Variants in PRKAR1B observed in about 807,000 individuals in gnomAD.
The protein encoded by PRKAR1B is cAMP-dependent protein kinase type I-beta regulatory subunit.
PRKAR1B carries 22 observed loss-of-function variants against 46.5 expected under a neutral mutation model. The ratio of observed to expected loss-of-function variants is 0.47; its 90% CI spans 0.34 to 0.68. The LOEUF (loss-of-function observed/expected upper bound fraction) is 0.68. PRKAR1B is among the 30% of genes least tolerant of loss of function. PRKAR1B has a pLI of 0.01. For synonymous variants in PRKAR1B, 259 were observed against 217.7 expected (o/e 1.19, Z -1.67); for missense variants, 445 against 535.6 (o/e 0.83, Z 1.67).
At chr7:721,092 G>A (rs373753881) in intron 1 of PRKAR1B, among the ~76,000 whole-genome samples, 15 of 152,100 alleles carry the variant, frequency 9.9e-5, no homozygotes, top group South Asian at 4.1e-4. Flanking sequence ...TCGGTCTATC[G>A]GCATCTATGA....
intron 4 of PRKAR1B, among the ~76,000 whole-genome samples, chr7:632,824 T>C (rs1358625675): frequency 1.3e-5 from 2 of 148,748 alleles, no homozygotes; most frequent in East Asian, 4.1e-4. Context: ...GCAACAGGTC[T>C]GGGACTCTAC....
chr7:641,613 T>C (rs1784394883), intron 4 of PRKAR1B, among the ~76,000 whole-genome samples: 1 of 152,134 alleles, frequency 6.6e-6, no homozygotes, highest in African/African-American at 2.4e-5. Flanking sequence ...GAGCGGGCGG[T>C]GATCAAATTA....
intron 2 of PRKAR1B, among the ~76,000 whole-genome samples, chr7:685,034 C>T (rs1212963034): frequency 6.6e-6 from 1 of 151,646 alleles, no homozygotes; most frequent in Non-Finnish European, 1.5e-5. Flanking sequence ...GTTTGTCCCT[C>T]CTGAAATTTG....
upstream of PRKAR1B, chr7:727,474 G>T: frequency 3.5e-6 from 1 of 286,380 alleles, no homozygotes; most frequent in Non-Finnish European, 5.8e-6. Flanking sequence ...TCCCCCACCC[G>T]CCTGCCCCAA....
rs148077664 is a variant in PRKAR1B at position 623,543 on chromosome 7, G to A, written c.441-16091C>T. On this transcript the variant is annotated intron_variant, in intron 4 of 10. Transcript: ENST00000537384. ...TCCTCACACCCACCACCCCATGGGG[G>A]ATGTCTGGTCACCCTGGCCTCTCTT... is the stretch of plus-strand genomic sequence containing the variant. Among the ~76,000 whole-genome samples the A allele has an allele frequency of 3.1e-3, 475 of 152,288 alleles. 12 individuals are homozygous for A. The highest frequency in any genetic ancestry group is 0.03 in the Admixed American group (464 of 15,298).
chr7:632,876 G>C (rs1361699842), intron 4 of PRKAR1B, among the ~76,000 whole-genome samples: 2 of 151,968 alleles, frequency 1.3e-5, no homozygotes, highest in African/African-American at 4.8e-5. Flanking sequence ...GCCCCCGACG[G>C]CCGGCACCCG....
At chr7:686,996 A>G (rs1779128614) in intron 2 of PRKAR1B, among the ~76,000 whole-genome samples, 1 of 152,244 alleles carries the variant, frequency 6.6e-6, no homozygotes, top group Non-Finnish European at 1.5e-5. Flanking sequence ...GCTGGGATTA[A>G]GCCAGCCTCC....
rs765438930 is a variant in PRKAR1B, at chr7:606,193, A to C, written c.549T>G (p.Asp183Glu). 1.2e-6 allele frequency: 2 copies of C among 1,613,854 alleles called. No individual in the cohort carries two copies. Among genetic ancestry groups the C allele is most frequent in the Non-Finnish European group, 1.7e-6 (2 of 1,179,890 alleles). ...CCAAAGACAAGTTAGCGACACTCACATCCACTTCCCCTTGATCAACGACAT... is the reference window on the plus strand; with the variant it reads ...CCAAAGACAAGTTAGCGACACTCACCTCCACTTCCCCTTGATCAACGACAT... ...NFYVVDQGEV[D>E]VYVNGEWVTN... Residue 183 changes from aspartate to glutamate, a missense_variant and splice_region_variant, in exon 6 of 11, where the codon GAT becomes GAG. Physicochemically the swap from Asp to Glu is conservative, Grantham distance 45 (BLOSUM62 2). Coordinates refer to ENST00000537384, the MANE Select transcript of PRKAR1B (RefSeq NM_001164760.2).
intron 2 of PRKAR1B, among the ~76,000 whole-genome samples, chr7:681,951 C>G (rs1263350286): frequency 6.6e-6 from 1 of 152,188 alleles, no homozygotes; most frequent in Non-Finnish European, 1.5e-5. Flanking sequence ...GCAGGGGGCT[C>G]TGTGGTCTGA....
At chr7:594,535 G>A (rs932700263) in intron 7 of PRKAR1B, among the ~76,000 whole-genome samples, 25 of 152,114 alleles carry the variant, frequency 1.6e-4, no homozygotes, top group African/African-American at 6.0e-4. Context: ...GAGGGGTGCG[G>A]CCACCCAAAC....
At chr7:630,304 A>G (rs1186627746) in intron 4 of PRKAR1B, among the ~76,000 whole-genome samples, 2 of 152,174 alleles carry the variant, frequency 1.3e-5, no homozygotes. Context: ...CCCATCGGAG[A>G]GGCAAACCCC....
intron 1 of PRKAR1B, chr7:726,632 G>C: frequency 9.5e-7 from 1 of 1,052,524 alleles, no homozygotes. Flanking sequence ...CCGGCGCCCC[G>C]CCCGCAGCGC....
intron 9 of PRKAR1B, among the ~76,000 whole-genome samples, chr7:572,018 C>T (rs1779547762): frequency 6.6e-6 from 1 of 152,240 alleles, no homozygotes; most frequent in African/African-American, 2.4e-5. Flanking sequence ...GGACCGAGGA[C>T]TCTGTCCCCA....
intron 4 of PRKAR1B, among the ~76,000 whole-genome samples, chr7:648,296 C>G (rs1214790824): frequency 6.6e-6 from 1 of 151,908 alleles, no homozygotes; most frequent in African/African-American, 2.4e-5. Context: ...GCCCTTCTCT[C>G]TTTTAAACAT....
intron 4 of PRKAR1B, among the ~76,000 whole-genome samples, chr7:654,957 A>G (rs1036544136): frequency 2.6e-5 from 4 of 152,222 alleles, no homozygotes; most frequent in African/African-American, 9.6e-5. Context: ...AACAAACCTC[A>G]TAGCTGAACC....
intron 6 of PRKAR1B, among the ~76,000 whole-genome samples, chr7:605,967 G>A (rs969859747): frequency 1.3e-5 from 2 of 152,358 alleles, no homozygotes; most frequent in African/African-American, 2.4e-5. Context: ...TGGAAAACCT[G>A]AGGCCGCTGC....
chr7:727,395 C>T (rs1207890822), upstream of PRKAR1B: 1 of 794,396 alleles, frequency 1.3e-6, no homozygotes, highest in Admixed American at 4.9e-5. Context: ...CTCTCACAAC[C>T]CCCGCGGCTC....
chr7:627,645 G>A (rs563589380), intron 4 of PRKAR1B, among the ~76,000 whole-genome samples: 71 of 152,216 alleles, frequency 4.7e-4, no homozygotes, highest in African/African-American at 1.5e-3. Flanking sequence ...ACTTCCAATT[G>A]TCCCTTCCTA....
At chr7:681,694 G>A (rs1015933533) in intron 2 of PRKAR1B, among the ~76,000 whole-genome samples, 6 of 152,220 alleles carry the variant, frequency 3.9e-5, no homozygotes, top group African/African-American at 1.2e-4. Flanking sequence ...GCCTTGAGCT[G>A]TGGATGGCAG....
Sources: gnomAD v4.1 joint callset for allele counts (sites outside exome capture counted in the v4.1 genomes callset) on GRCh38, gnomAD v4.1.1 for gene constraint, MANE v1.5 for transcripts, NCBI Gene and HGNC (gene_info 2026-07-23, HGNC 2026-07-21) for gene names.